The following HDAC9 variants were observed in gnomAD, a reference collection of about 807,000 sequenced individuals.
HDAC9 encodes the protein MEF-2 interacting transcription repressor (MITR) protein.
HDAC9 carries 41 observed loss-of-function variants against 139.4 expected under a neutral mutation model. The observed-to-expected ratio is 0.29, with a 90% CI of 0.23 to 0.38. The LOEUF is 0.38. Ranked by LOEUF, HDAC9 falls within the 10% of genes least tolerant of loss-of-function variation. The pLI is 1.00. For synonymous variants in HDAC9, 517 were observed against 476.2 expected, an observed-to-expected ratio of 1.09 and a Z score of -1.12; for missense variants, 1,147 against 1,297.0, an observed-to-expected ratio of 0.88 and a Z score of 1.78.
intron 1 of HDAC9, among the ~76,000 whole-genome samples, chr7:18,374,877 G>A (rs959018735): frequency 1.3e-5 from 2 of 152,026 alleles, no homozygotes; most frequent in Non-Finnish European, 1.5e-5. Context: ...CCTATTGCCT[G>A]GTGCTATTAA....
chr7:18,278,537 C>T (rs1027176936), intron 2 of HDAC9, among the ~76,000 whole-genome samples: 2 of 152,168 alleles, frequency 1.3e-5, no homozygotes, highest in Non-Finnish European at 2.9e-5. Flanking sequence ...TAATATAATA[C>T]AGACTTTTCC....
At chr7:18,287,669 G>T (rs957956040), upstream of HDAC9, among the ~76,000 whole-genome samples, 5 of 152,218 alleles carry the variant, frequency 3.3e-5, no homozygotes, top group Non-Finnish European at 5.9e-5. Flanking sequence ...TGCATTCAGC[G>T]CATTCCTGCC....
At chr7:18,917,522 G>A (rs763177692) in intron 22 of HDAC9, among the ~76,000 whole-genome samples, 4 of 151,944 alleles carry the variant, frequency 2.6e-5, no homozygotes, top group Admixed American at 6.6e-5. Flanking sequence ...TTGTCTGAAC[G>A]TTGTGGTGGG....
chr7:18,847,527 G>A (rs188942044), intron 21 of HDAC9, among the ~76,000 whole-genome samples: 6 of 152,294 alleles, frequency 3.9e-5, no homozygotes, highest in Admixed American at 2.6e-4. Context: ...AAATAAGTGA[G>A]GAACCCTCCT....
chr7:18,931,831 G>A (rs1025218049), intron 22 of HDAC9, among the ~76,000 whole-genome samples: 1 of 152,122 alleles, frequency 6.6e-6, no homozygotes, highest in African/African-American at 2.4e-5. Flanking sequence ...TGGTTGCCAG[G>A]AGTTGAGGGG....
intron 14 of HDAC9, among the ~76,000 whole-genome samples, chr7:18,753,536 TCAAC>T (rs1226664020): frequency 1.3e-5 from 2 of 152,100 alleles, no homozygotes; most frequent in African/African-American, 4.8e-5. Context: ...TCAGCTTTCC[TCAAC>T]CAACAGAGCA....
intron 2 of HDAC9, among the ~76,000 whole-genome samples, chr7:18,246,234 G>C (rs1025670255): frequency 1.0e-4 from 15 of 150,738 alleles, no homozygotes; most frequent in Non-Finnish European, 7.4e-5. Flanking sequence ...CATTAGATAA[G>C]ACAGTGAACA....
chr7:18,401,966 G>A (rs10279777), intron 1 of HDAC9, among the ~76,000 whole-genome samples: 13,503 of 152,090 alleles, frequency 0.089, 1,438 homozygotes, highest in African/African-American at 0.25. Flanking sequence ...TTTGCACACT[G>A]CTTTGTGGCA....
At position 18,294,668 on chromosome 7, in the gene HDAC9, G is replaced by A. The variant is rs1798021990; in HGVS notation, c.-42+4153G>A. On this transcript the variant is annotated intron_variant, in intron 1 of 3. Transcript: ENST00000413509. ...AGGTCATGTTATGCAGCTGCATGTT[G>A]TGCAAGTGCAATCAGAAGTGATTGA... 2.6e-5 allele frequency among the ~76,000 whole-genome samples: 4 copies of A among 152,166 alleles called. No individual in the cohort carries two copies. In the South Asian group the frequency reaches 8.3e-4, roughly 31 times the overall value.
chr7:18,303,694 G>C (rs1421273439), intron 1 of HDAC9, among the ~76,000 whole-genome samples: 7 of 152,158 alleles, frequency 4.6e-5, no homozygotes, highest in Admixed American at 2.0e-4. Context: ...ATGACTTCCA[G>C]TTCCCATTTG....
At chr7:18,973,658 G>A (rs1430151585) in intron 24 of HDAC9, among the ~76,000 whole-genome samples, 4 of 152,146 alleles carry the variant, frequency 2.6e-5, no homozygotes, top group Non-Finnish European at 5.9e-5. Flanking sequence ...GTGATCTAGC[G>A]AAACTAGGCC....
In HDAC9 at chr7:18,749,064, C is replaced by T. The variant is rs766232921; in HGVS notation, c.1969C>T (p.His657Tyr). Residue 657 changes from histidine (H) to tyrosine (Y), a missense_variant, in exon 14 of 26, where the codon CAC becomes TAC. His to Tyr is a moderately conservative substitution (Grantham distance 83). This residue lies in a region of HDAC9 where 407 missense variants were observed against 521.5 expected (regional missense o/e 0.78). Transcript: ENST00000686413. ...GTGCGTTTGTGGCAATTCCACCACC[C>T]ACCCTGAGCATGCTGGACGAATACA... Reference protein sequence around the residue: ...HQCVCGNSTTHPEHAGRIQSI... With the variant: ...HQCVCGNSTTYPEHAGRIQSI... The T allele has an allele frequency of 6.2e-7, 1 of 1,613,696 alleles. No individual in the cohort carries two copies. The highest frequency in any genetic ancestry group is 1.7e-5 in the Admixed American group (1 of 59,962).
chr7:18,375,001 C>T (rs1784880095), intron 1 of HDAC9, among the ~76,000 whole-genome samples: 2 of 151,430 alleles, frequency 1.3e-5, no homozygotes, highest in Admixed American at 1.3e-4. Context: ...TTATGTACAA[C>T]ACATATCACT....
intron 1 of HDAC9, among the ~76,000 whole-genome samples, chr7:18,360,499 G>T (rs181115850): frequency 3.3e-5 from 5 of 151,998 alleles, no homozygotes; most frequent in Non-Finnish European, 5.9e-5. Flanking sequence ...ATTTCCAGAG[G>T]CCTCTCCATT....
chr7:18,641,043 C>A (rs1290798144), intron 8 of HDAC9, among the ~76,000 whole-genome samples: 1 of 152,110 alleles, frequency 6.6e-6, no homozygotes, highest in South Asian at 2.1e-4. Flanking sequence ...TTTTACCTTT[C>A]TGAATCCCTG....
At chr7:18,307,467 T>G (rs899783687) in intron 1 of HDAC9, among the ~76,000 whole-genome samples, 6 of 152,348 alleles carry the variant, frequency 3.9e-5, no homozygotes, top group African/African-American at 1.4e-4. Flanking sequence ...AATAAAGTGC[T>G]TGCTCTTTCT....
intron 21 of HDAC9, among the ~76,000 whole-genome samples, chr7:18,842,520 A>G (rs1562981255): frequency 6.6e-6 from 1 of 152,110 alleles, no homozygotes; most frequent in Non-Finnish European, 1.5e-5. Context: ...GTGAACCACA[A>G]TTATTCACTG....
chr7:18,838,111 C>A (rs1007386319), intron 21 of HDAC9, among the ~76,000 whole-genome samples: 1 of 151,966 alleles, frequency 6.6e-6, no homozygotes, highest in Non-Finnish European at 1.5e-5. Flanking sequence ...TCATTTATGA[C>A]CAGAAGTACT....
Position 19,002,395 on chromosome 7 carries a change from T to C in HDAC9, c.*6333T>C, listed in dbSNP as rs1786790599. ...AGATTTTCCTCTAGTCCTATGTGAA[T>C]AAAAAGCTATTTGAAATAAAAGTGT... On this transcript the variant is annotated 3_prime_UTR_variant, in exon 26 of 26. Transcript: ENST00000686413. The C allele has an allele frequency of 6.6e-6, 1 of 152,074 alleles. No individual in the cohort carries two copies. 9.4% of individuals were successfully genotyped at this position (152,074 alleles called of 1,614,324 possible). A position where few individuals can be genotyped will look rare whatever the true frequency, so the allele number is the denominator to read the frequency against.
Sources: allele counts gnomAD v4.1 joint callset (sites outside exome capture counted in the v4.1 genomes callset), GRCh38; gene constraint gnomAD v4.1.1; regional missense constraint gnomAD v4.1.1; transcripts MANE v1.5; gene names NCBI Gene and HGNC (gene_info 2026-07-23, HGNC 2026-07-21).